PUS7: variants seen among roughly 807,000 people sequenced by gnomAD.
The protein encoded by PUS7 is pseudouridylate synthase 7 homolog.
PUS7 carries 48 observed loss-of-function variants against 79.8 expected under a neutral mutation model. The ratio of observed to expected loss-of-function variants is 0.60; its 90% CI spans 0.48 to 0.76. The LOEUF is 0.76. PUS7 is among the 30% of genes least tolerant of loss of function. PUS7 has a pLI of 0.00. For missense variants in PUS7, 729 were observed against 797.6 expected (o/e 0.91, Z 1.04); for synonymous variants, 286 against 272.2 (o/e 1.05, Z -0.50).
intron 14 of PUS7, 24 bp downstream of exon 14, chr7:105,462,597 A>G (rs1349457255): frequency 3.7e-6 from 6 of 1,612,456 alleles, no homozygotes; most frequent in East Asian, 4.5e-5. Flanking sequence ...ATTCAGTTCT[A>G]TCTCATTCTA....
At chr7:105,482,834 TA>T (rs941821631) in intron 7 of PUS7, among the ~76,000 whole-genome samples, 43 of 152,132 alleles carry the variant, frequency 2.8e-4, no homozygotes, top group Non-Finnish European at 2.9e-5. Flanking sequence ...AAAAGGTCAT[TA>T]TTTTTGTCAA....
At chr7:105,503,277 C>G (rs1338774046) in intron 4 of PUS7, among the ~76,000 whole-genome samples, 1 of 152,138 alleles carries the variant, frequency 6.6e-6, no homozygotes, top group Non-Finnish European at 1.5e-5. Flanking sequence ...GGACAGACAC[C>G]TTAGGGATCC....
chr7:105,480,954 A>C, intron 9 of PUS7, 98 bp downstream of exon 9: 1 of 1,368,122 alleles, frequency 7.3e-7, no homozygotes, highest in African/African-American at 1.5e-5. Context: ...TTTGCCCCAG[A>C]CATGGGAGAA....
At chr7:105,500,327 C>T (rs189274455) in intron 5 of PUS7, among the ~76,000 whole-genome samples, 123 of 152,154 alleles carry the variant, frequency 8.1e-4, no homozygotes, top group African/African-American at 2.7e-3. Flanking sequence ...AGGCGGGTGT[C>T]GCATAAGCAG....
chr7:105,500,678 G>A (rs185955376), intron 5 of PUS7, among the ~76,000 whole-genome samples: 1 of 152,242 alleles, frequency 6.6e-6, no homozygotes, highest in African/African-American at 2.4e-5. Context: ...GAGAGAATTA[G>A]GACCAAGTGC....
intron 14 of PUS7, among the ~76,000 whole-genome samples, 180 bp from the exon 15 acceptor site, chr7:105,459,439 ATTT>A (rs551912573): frequency 1.4e-5 from 2 of 143,946 alleles, no homozygotes; most frequent in Non-Finnish European, 3.1e-5. Flanking sequence ...TATATATATA[ATTT>A]TTTTTTTTTT....
In PUS7 at chr7:105,457,927, C is replaced by T. The variant is rs752398787; in HGVS notation, c.1850-1G>A. 26 of 1,612,296 alleles carry T rather than the reference C, an allele frequency of 1.6e-5. No homozygotes were observed. In the Admixed American group the frequency reaches 4.2e-4, roughly 26 times the overall value. On this transcript the variant is annotated splice_acceptor_variant, in intron 15 of 15. Coordinates refer to ENST00000469408, the MANE Select transcript of PUS7 (RefSeq NM_019042.5). LOFTEE classifies it high-confidence loss of function. ...ATTTTCAGAGCCCTGTATTTGCCTT[C>T]TGCAAGGCAAGAAAGAAAACAGTCA...
intron 6 of PUS7, 133 bp downstream of exon 6, chr7:105,495,009 G>T: frequency 3.6e-5 from 14 of 388,476 alleles, no homozygotes; most frequent in Non-Finnish European, 5.6e-5. Context: ...AAGAAAGAAA[G>T]AAAACTATCA....
chr7:105,465,574 T>TA (rs1823606690), intron 12 of PUS7, among the ~76,000 whole-genome samples, 160 bp from the exon 13 acceptor site: 1 of 152,202 alleles, frequency 6.6e-6, no homozygotes, highest in Non-Finnish European at 1.5e-5. Context: ...GGCTCACACC[T>TA]ATAATCCCAG....
chr7:105,491,649 C>T lies in PUS7; in HGVS notation c.843-32G>A, dbSNP rs762999935. On this transcript the variant is annotated intron_variant, in intron 6 of 15. Transcript: ENST00000469408. ...AGAGAGAAACAAGATCATCTGAAGT[C>T]ACATACTGTAATATTATAAGGAAAT... 4.1e-6 allele frequency: 5 copies of T among 1,232,640 alleles called. No individual in the cohort carries two copies. In the Admixed American group the frequency reaches 7.3e-5, roughly 18 times the overall value. The allele number at this position is 1,232,640 out of a possible 1,614,324, so 76.4% of individuals were successfully genotyped here. A position where few individuals can be genotyped will look rare whatever the true frequency, so the allele number is the denominator to read the frequency against.
intron 5 of PUS7, among the ~76,000 whole-genome samples, chr7:105,496,595 C>T (rs2133200755): frequency 6.6e-6 from 1 of 152,252 alleles, no homozygotes; most frequent in East Asian, 1.9e-4. Context: ...TACTTGGATA[C>T]CTGGCTTTGT....
At chr7:105,475,195 T>A (rs1161209179) in intron 9 of PUS7, among the ~76,000 whole-genome samples, 1 of 151,226 alleles carries the variant, frequency 6.6e-6, no homozygotes, top group Non-Finnish European at 1.5e-5. Context: ...GTTTTGTACT[T>A]TTTTTTTTGA....
chr7:105,481,312 CTCTT>C (rs930539937), intron 8 of PUS7, 135 bp from the exon 9 acceptor site: 41 of 558,870 alleles, frequency 7.3e-5, no homozygotes, highest in Non-Finnish European at 4.0e-5. Context: ...CTCCCAAGGG[CTCTT>C]TCTTTCTTTA....
intron 4 of PUS7, among the ~76,000 whole-genome samples, chr7:105,503,695 C>A (rs1214002471): frequency 1.3e-5 from 2 of 152,066 alleles, no homozygotes; most frequent in African/African-American, 2.4e-5. Flanking sequence ...TGCAGTGATG[C>A]GACCTTGGCT....
chr7:105,467,981 G>A (rs938068515), intron 12 of PUS7, among the ~76,000 whole-genome samples: 12 of 151,562 alleles, frequency 7.9e-5, no homozygotes, highest in African/African-American at 2.7e-4. Flanking sequence ...CACCTAGGCT[G>A]GAGTGCAGTG....
At chr7:105,516,968 G>A (rs1010327672) in intron 1 of PUS7, among the ~76,000 whole-genome samples, 2 of 151,834 alleles carry the variant, frequency 1.3e-5, no homozygotes, top group Non-Finnish European at 2.9e-5. Context: ...AGGGGGGAGA[G>A]GGCAGTTTTA....
chr7:105,489,861 G>A (rs1476617967), intron 7 of PUS7, among the ~76,000 whole-genome samples: 4 of 152,168 alleles, frequency 2.6e-5, no homozygotes. Context: ...GCTGATGCCT[G>A]TAATCCCAAC....
chr7:105,457,722 C>A lies in PUS7; in HGVS notation c.*68G>T. 3.3e-6 allele frequency: 5 copies of A among 1,529,568 alleles called. No homozygotes were observed. In the South Asian group the frequency reaches 3.7e-5, roughly 11 times the overall value. The allele number at this position is 1,529,568 out of a possible 1,614,324, so 94.7% of individuals were successfully genotyped here. On this transcript the variant is annotated 3_prime_UTR_variant, in exon 16 of 16. Coordinates refer to ENST00000469408, the MANE Select transcript of PUS7 (RefSeq NM_019042.5). ...ATCCATATATGAGTCTGAACTAAGA[C>A]AAAAATGCACAGGGAGCCAGGAAGC... is the stretch of plus-strand genomic sequence containing the variant.
intron 7 of PUS7, among the ~76,000 whole-genome samples, chr7:105,486,619 A>T (rs1490680264): frequency 2.6e-5 from 4 of 152,184 alleles, no homozygotes; most frequent in Non-Finnish European, 5.9e-5. Context: ...TCAGCCAGGA[A>T]CTACTGCTGT....
Sources: allele counts gnomAD v4.1 joint callset (sites outside exome capture counted in the v4.1 genomes callset), GRCh38; gene constraint gnomAD v4.1.1; transcripts MANE v1.5; gene names NCBI Gene and HGNC (gene_info 2026-07-23, HGNC 2026-07-21).